The following APBB2 variants were observed in gnomAD, a reference collection of about 807,000 sequenced individuals.
APBB2 encodes amyloid beta precursor protein binding family B member 2, also known as Fe65-like 1.
A neutral mutation model predicts 82.5 loss-of-function variants in APBB2; 38 were observed. That is an observed-to-expected ratio of 0.46 (90% CI 0.36 to 0.60). The LOEUF (loss-of-function observed/expected upper bound fraction) is 0.60. Ranked by LOEUF, APBB2 falls within the 20% of genes least tolerant of loss-of-function variation. The pLI, the probability that APBB2 is intolerant of heterozygous loss-of-function variation, is 0.00. For missense variants in APBB2, 772 were observed against 972.3 expected (o/e 0.79, Z 2.74); for synonymous variants, 341 against 368.2 (o/e 0.93, Z 0.85).
At chr4:40,911,061 T>C (rs977051926) in intron 10 of APBB2, among the ~76,000 whole-genome samples, 12 of 152,232 alleles carry the variant, frequency 7.9e-5, no homozygotes, top group African/African-American at 2.9e-4. Flanking sequence ...GACCTTCCCC[T>C]GTGTCTTGGC....
intron 3 of APBB2, among the ~76,000 whole-genome samples, chr4:41,085,294 A>G (rs1236629700): frequency 1.3e-5 from 2 of 152,002 alleles, no homozygotes; most frequent in Admixed American, 1.3e-4. Flanking sequence ...ATGGCACATA[A>G]TCTCAGAGAA....
chr4:40,834,124 T>TTA (rs1753016809), intron 12 of APBB2, among the ~76,000 whole-genome samples: 1 of 146,908 alleles, frequency 6.8e-6, no homozygotes, highest in Non-Finnish European at 1.5e-5. Flanking sequence ...TTTTTTTTTT[T>TTA]ACAGCCTTAT....
chr4:41,001,832 C>T (rs562018171), intron 6 of APBB2, among the ~76,000 whole-genome samples: 16 of 151,280 alleles, frequency 1.1e-4, no homozygotes, highest in Admixed American at 9.2e-4. Context: ...GAGCCGAAAT[C>T]GCGCCACTGC....
intron 6 of APBB2, among the ~76,000 whole-genome samples, chr4:40,969,721 T>C (rs1560414235): frequency 1.3e-5 from 2 of 152,224 alleles, no homozygotes; most frequent in African/African-American, 2.4e-5. Flanking sequence ...TCCAGCTGTA[T>C]CTCTGTGAAC....
chr4:41,169,108 C>T (rs1767532177), intron 1 of APBB2, among the ~76,000 whole-genome samples: 1 of 150,434 alleles, frequency 6.6e-6, no homozygotes, highest in Non-Finnish European at 1.5e-5. Context: ...TCGTTTGAAC[C>T]CTGGAGGCAG....
chr4:40,900,548 T>A lies in APBB2; in HGVS notation c.1255-7137A>T, dbSNP rs9998859. 2.0e-5 allele frequency among the ~76,000 whole-genome samples: 3 copies of A among 150,460 alleles called. No individual in the cohort carries two copies. The East Asian group carries it at 5.9e-4, about 30-fold the overall frequency. On this transcript the variant is annotated intron_variant, in intron 10 of 17. Transcript: ENST00000508593. ...TTGGCTCACTGTAACCTCTGCCTCC[T>A]GGGTTCAAGCAATTCTCCTGCCTCA...
rs768589414 is a variant in APBB2 at position 40,825,888 on chromosome 4, G to A, written c.1815C>T (p.Val605=). ...YLGMLPVDKP[V]GMDILNSAIE... ...AAAGACAATAAACATTTCACATACCGACTGGTTTGTCTACAGGTAACATGC... is the reference window on the plus strand; with the variant it reads ...AAAGACAATAAACATTTCACATACCAACTGGTTTGTCTACAGGTAACATGC... Residue 605 remains valine, a splice_region_variant and synonymous_variant, in exon 15 of 18, where the codon GTC becomes GTT. Transcript: ENST00000508593. 7 of 1,612,808 alleles carry A rather than the reference G, an allele frequency of 4.3e-6. No homozygotes were observed. The highest frequency in any genetic ancestry group is 1.3e-5 in the African/African-American group (1 of 74,896).
chr4:41,058,287 G>GC (rs200455105), intron 4 of APBB2, among the ~76,000 whole-genome samples: 3,026 of 150,008 alleles, frequency 0.02, 113 homozygotes, highest in African/African-American at 0.072. Context: ...TACAAGAGAG[G>GC]TTTAAAAAAA....
chr4:40,969,070 G>C (rs559102584), intron 6 of APBB2, among the ~76,000 whole-genome samples: 5 of 152,194 alleles, frequency 3.3e-5, no homozygotes, highest in Non-Finnish European at 7.3e-5. Flanking sequence ...GGCCTCCCCA[G>C]CCACATGGAA....
chr4:40,869,120 C>T (rs1195533079), intron 12 of APBB2, among the ~76,000 whole-genome samples: 1 of 152,154 alleles, frequency 6.6e-6, no homozygotes, highest in Non-Finnish European at 1.5e-5. Context: ...TCTCCACCTC[C>T]CGGGTTCAAG....
At chr4:40,919,383 A>C (rs1483658090) in intron 10 of APBB2, among the ~76,000 whole-genome samples, 1 of 152,216 alleles carries the variant, frequency 6.6e-6, no homozygotes, top group Non-Finnish European at 1.5e-5. Context: ...ACTTTCTCAC[A>C]TCATCAGGTG....
intron 1 of APBB2, among the ~76,000 whole-genome samples, chr4:41,196,599 CTT>C: frequency 0.01 from 1,026 of 100,266 alleles, 7 homozygotes; most frequent in African/African-American, 0.039. Flanking sequence ...AAGCCCCCTG[CTT>C]TTTTTTTTTT....
Position 41,157,970 on chromosome 4 carries a change from C to G in APBB2, c.-416-14828G>C, listed in dbSNP as rs185874717. 1.5e-4 allele frequency among the ~76,000 whole-genome samples: 23 copies of G among 152,192 alleles called. No individual in the cohort carries two copies. In the East Asian group the frequency reaches 4.3e-3, roughly 28 times the overall value. ...TTGCGCCACTGCACTCCAGTCTGGG[C>G]GACAGAGTGAGACTCCACCTCAAAA... is the stretch of plus-strand genomic sequence containing the variant. On this transcript the variant is annotated intron_variant, in intron 1 of 17. Transcript: ENST00000508593.
intron 6 of APBB2, among the ~76,000 whole-genome samples, chr4:40,995,502 C>T (rs1803379067): frequency 6.6e-6 from 1 of 151,230 alleles, no homozygotes; most frequent in Non-Finnish European, 1.5e-5. Flanking sequence ...GTAGCTGGGA[C>T]CACAGGTATG....
chr4:41,189,847 A>G (rs1034246723), intron 1 of APBB2, among the ~76,000 whole-genome samples: 2 of 152,188 alleles, frequency 1.3e-5, no homozygotes, highest in Non-Finnish European at 2.9e-5. Flanking sequence ...CCACGATAAC[A>G]CTTACTGTCT....
At chr4:41,052,990 C>G (rs867742784) in intron 4 of APBB2, among the ~76,000 whole-genome samples, 1 of 152,244 alleles carries the variant, frequency 6.6e-6, no homozygotes, top group Middle Eastern at 3.4e-3. Flanking sequence ...GTCTCAAACT[C>G]CTGACCTCAA....
At chr4:40,839,470 A>G (rs1369941490) in intron 12 of APBB2, among the ~76,000 whole-genome samples, 1 of 152,064 alleles carries the variant, frequency 6.6e-6, no homozygotes, top group African/African-American at 2.4e-5. Flanking sequence ...AGTATCCACA[A>G]TTTGATAACA....
intron 12 of APBB2, among the ~76,000 whole-genome samples, chr4:40,830,781 G>A (rs1379280611): frequency 6.6e-6 from 1 of 152,134 alleles, no homozygotes; most frequent in African/African-American, 2.4e-5. Flanking sequence ...AAATACCTAC[G>A]ATGTGGGCTA....
chr4:40,871,547 C>T (rs868842831), intron 12 of APBB2, among the ~76,000 whole-genome samples: 20 of 152,188 alleles, frequency 1.3e-4, no homozygotes, highest in Admixed American at 1.2e-3. Flanking sequence ...GGAACACTGA[C>T]CCATTAATTT....
Sources: gnomAD v4.1 joint callset for allele counts (sites outside exome capture counted in the v4.1 genomes callset) on GRCh38, gnomAD v4.1.1 for gene constraint, MANE v1.5 for transcripts, NCBI Gene and HGNC (gene_info 2026-07-23, HGNC 2026-07-21) for gene names.